Variants in SNX29 observed in about 807,000 individuals in gnomAD.
The protein encoded by SNX29 is sorting nexin 29.
A neutral mutation model predicts 102.1 loss-of-function variants in SNX29; 78 were observed. The observed-to-expected ratio is 0.76, with a 90% CI of 0.64 to 0.92. SNX29 has a LOEUF of 0.92. Ranked by LOEUF, SNX29 falls within the 40% of genes least tolerant of loss-of-function variation. The probability of loss-of-function intolerance (pLI) is 0.00; values close to 1 mark genes in which losing one functional copy is unlikely to be tolerated. For synonymous variants in SNX29, 580 were observed against 414.5 expected, an observed-to-expected ratio of 1.40 and a Z score of -4.85; for missense variants, 1,280 against 1,061.7, an observed-to-expected ratio of 1.21 and a Z score of -2.86.
At chr16:12,343,197 C>T (rs1214906089) in intron 15 of SNX29, among the ~76,000 whole-genome samples, 1 of 152,176 alleles carries the variant, frequency 6.6e-6, no homozygotes, top group East Asian at 1.9e-4. Flanking sequence ...CGACAAAGAG[C>T]CACATAATTT....
intron 1 of SNX29, among the ~76,000 whole-genome samples, chr16:11,992,889 TG>T (rs2055908997): frequency 6.6e-6 from 1 of 152,034 alleles, no homozygotes; most frequent in South Asian, 2.1e-4. Flanking sequence ...GGGCTGGGCG[TG>T]GGGGCTCACG....
chr16:12,144,312 C>T (rs57198466), intron 13 of SNX29, among the ~76,000 whole-genome samples: 3,734 of 152,280 alleles, frequency 0.025, 164 homozygotes, highest in African/African-American at 0.086. Context: ...GCACTACTAA[C>T]ATTTGTCATT....
chr16:12,118,313 CTTTTT>C (rs869186902), intron 11 of SNX29, among the ~76,000 whole-genome samples: 4 of 86,114 alleles, frequency 4.6e-5, no homozygotes, highest in East Asian at 5.3e-4. Context: ...TACAGACCAC[CTTTTT>C]TTTTTTTTTT....
chr16:12,430,048 C>T (rs1236316208), intron 18 of SNX29, among the ~76,000 whole-genome samples: 1 of 152,238 alleles, frequency 6.6e-6, no homozygotes, highest in Non-Finnish European at 1.5e-5. Flanking sequence ...GCTCCGCCTC[C>T]TGTCAGATCA....
intron 18 of SNX29, among the ~76,000 whole-genome samples, chr16:12,457,736 C>T (rs536907561): frequency 3.3e-4 from 51 of 152,320 alleles, no homozygotes; most frequent in African/African-American, 1.2e-3. Flanking sequence ...AAATGTTCAT[C>T]CCAGCCCCAT....
At chr16:12,387,995 T>C (rs1293683073) in intron 16 of SNX29, among the ~76,000 whole-genome samples, 2 of 152,240 alleles carry the variant, frequency 1.3e-5, no homozygotes, top group Non-Finnish European at 2.9e-5. Context: ...TTCATCATTG[T>C]GCTTATAATG....
At chr16:12,296,964 G>C (rs1443720355) in intron 15 of SNX29, among the ~76,000 whole-genome samples, 1 of 152,184 alleles carries the variant, frequency 6.6e-6, no homozygotes, top group Non-Finnish European at 1.5e-5. Flanking sequence ...GGCATGCCTG[G>C]CTGCTGCCCG....
rs1261600318 is a variant in SNX29, at chr16:12,551,950, C to T, written c.2319-16556C>T. The stretch of plus-strand genomic sequence containing the variant: ...GCCACTGTGAGGATCCAGTGAGATT[C>T]CCCAGCCAGGCTGTGCCCAACACAG... On this transcript the variant is annotated intron_variant, in intron 20 of 20. Coordinates refer to ENST00000566228, the MANE Select transcript of SNX29 (RefSeq NM_032167.5). Among the ~76,000 whole-genome samples, 6 of 152,164 alleles carry T rather than the reference C, an allele frequency of 3.9e-5. 1 individual carries two copies. The highest frequency in any genetic ancestry group is 1.2e-4 in the African/African-American group (5 of 41,424).
chr16:12,534,716 GTCAC>G, intron 20 of SNX29, among the ~76,000 whole-genome samples: 1 of 152,322 alleles, frequency 6.6e-6, no homozygotes, highest in Admixed American at 6.5e-5. Context: ...CCACTCCCCT[GTCAC>G]TCACTGCCCC....
chr16:12,434,571 A>C (rs1319495428), intron 18 of SNX29, among the ~76,000 whole-genome samples: 1 of 152,064 alleles, frequency 6.6e-6, no homozygotes, highest in Non-Finnish European at 1.5e-5. Context: ...GTGTCCTGAA[A>C]CAGCCTTGTG....
At chr16:12,222,061 G>A (rs570569344) in intron 14 of SNX29, among the ~76,000 whole-genome samples, 19 of 152,302 alleles carry the variant, frequency 1.2e-4, no homozygotes, top group African/African-American at 4.6e-4. Flanking sequence ...ACTCCATGCC[G>A]GGCACTGTTT....
At position 12,572,872 on chromosome 16, in the gene SNX29, G is replaced by GTCTTGACTCTGCCTTGGCATTTCGC. The variant is rs2079217518; in HGVS notation, c.*4246_*4270dup. 1 of 1,062,094 alleles carries GTCTTGACTCTGCCTTGGCATTTCGC rather than the reference G, an allele frequency of 9.4e-7. No individual in the cohort carries two copies. Among genetic ancestry groups the GTCTTGACTCTGCCTTGGCATTTCGC allele is most frequent in the East Asian group, 5.0e-5 (1 of 19,918 alleles). 65.8% of individuals were successfully genotyped at this position (1,062,094 alleles called of 1,614,324 possible). On this transcript the variant is annotated 3_prime_UTR_variant, in exon 21 of 21. Transcript: ENST00000566228. Reference sequence around the variant, plus strand: ...GGTTTCAGCCCTAAAGGTAATGATTGTCTTGACTCTGCCTTGGCATTTCGC... The same window carrying GTCTTGACTCTGCCTTGGCATTTCGC: ...GGTTTCAGCCCTAAAGGTAATGATTGTCTTGACTCTGCCTTGGCATTTCGCTCTTGACTCTGCCTTGGCATTTCGC...
chr16:12,308,629 G>GA (rs2080426907), intron 15 of SNX29, among the ~76,000 whole-genome samples: 1 of 152,140 alleles, frequency 6.6e-6, no homozygotes, highest in African/African-American at 2.4e-5. Flanking sequence ...AAACAAGACA[G>GA]AAAAAATCCT....
At chr16:12,418,146 T>C (rs942888381) in intron 18 of SNX29, among the ~76,000 whole-genome samples, 2 of 152,188 alleles carry the variant, frequency 1.3e-5, no homozygotes, top group Non-Finnish European at 2.9e-5. Context: ...CCAGAACTTT[T>C]AATGACCAAT....
At chr16:12,303,727 A>G (rs916107998) in intron 15 of SNX29, among the ~76,000 whole-genome samples, 3 of 152,232 alleles carry the variant, frequency 2.0e-5, no homozygotes, top group Non-Finnish European at 4.4e-5. Flanking sequence ...CTATATGTAG[A>G]TATGCATTAG....
chr16:12,508,291 G>T (rs1597658234), intron 19 of SNX29, among the ~76,000 whole-genome samples: 1 of 152,204 alleles, frequency 6.6e-6, no homozygotes, highest in African/African-American at 2.4e-5. Context: ...ATGCTTCCCA[G>T]CGTGTCTGGA....
intron 13 of SNX29, among the ~76,000 whole-genome samples, chr16:12,160,588 T>G (rs113584518): frequency 0.02 from 3,014 of 152,290 alleles, 105 homozygotes; most frequent in African/African-American, 0.068. Flanking sequence ...TGACTGCTAA[T>G]GGATATAGGT....
At chr16:12,169,996 A>G (rs1405673723) in intron 13 of SNX29, among the ~76,000 whole-genome samples, 1 of 152,116 alleles carries the variant, frequency 6.6e-6, no homozygotes, top group East Asian at 1.9e-4. Flanking sequence ...GTGGATAAGA[A>G]GCTCAAGTTC....
At chr16:12,239,118 T>C (rs2078024042) in intron 14 of SNX29, among the ~76,000 whole-genome samples, 1 of 152,196 alleles carries the variant, frequency 6.6e-6, no homozygotes, top group Non-Finnish European at 1.5e-5. Flanking sequence ...GTGTAGTCTT[T>C]TAGCTTGGCA....
Sources: allele counts gnomAD v4.1 joint callset (sites outside exome capture counted in the v4.1 genomes callset), GRCh38; gene constraint gnomAD v4.1.1; transcripts MANE v1.5; gene names NCBI Gene and HGNC (gene_info 2026-07-23, HGNC 2026-07-21).